CASS4: variants seen among roughly 807,000 people sequenced by gnomAD.
CASS4 encodes the protein cas scaffolding protein family member 4.
CASS4 carries 22 observed loss-of-function variants against 54.2 expected under a neutral mutation model. The ratio of observed to expected loss-of-function variants is 0.41; its 90% CI spans 0.29 to 0.58. The LOEUF is 0.58. CASS4 is among the 20% of genes least tolerant of loss of function. The pLI is 0.36. For missense variants in CASS4, 854 were observed against 986.7 expected (o/e 0.87, Z 1.80); for synonymous variants, 409 against 391.5 (o/e 1.04, Z -0.53).
chr20:56,418,290 G>A (rs1979240601), intron 1 of CASS4, among the ~76,000 whole-genome samples: 1 of 152,174 alleles, frequency 6.6e-6, no homozygotes, highest in African/African-American at 2.4e-5. Context: ...CAGTGGGAAG[G>A]TATTCAGCAT....
intron 5 of CASS4, among the ~76,000 whole-genome samples, chr20:56,454,248 A>G (rs893165639): frequency 2.0e-4 from 30 of 152,214 alleles, no homozygotes; most frequent in Non-Finnish European, 4.1e-4. Flanking sequence ...CAGACATTAT[A>G]GAGCGAGATG....
chr20:56,460,029 T>A lies in CASS4; in HGVS notation c.*1282T>A, dbSNP rs982619187. On this transcript the variant is annotated 3_prime_UTR_variant, in exon 6 of 6. Coordinates refer to ENST00000679887, the MANE Select transcript of CASS4 (RefSeq NM_020356.4). ...TTATTGCATCCATTAGATAATAGAGTAAGTTTTTTGTTGTTTTGAATTGAA... is the reference window on the plus strand; with the variant it reads ...TTATTGCATCCATTAGATAATAGAGAAAGTTTTTTGTTGTTTTGAATTGAA... The A allele has an allele frequency of 6.6e-6, 1 of 152,368 alleles. No homozygotes were observed. Among genetic ancestry groups the A allele is most frequent in the African/African-American group, 2.4e-5 (1 of 41,378 alleles). The allele number at this position is 152,368 out of a possible 1,614,324, so 9.4% of individuals were successfully genotyped here. A position where few individuals can be genotyped will look rare whatever the true frequency, so the allele number is the denominator to read the frequency against.
intron 3 of CASS4, among the ~76,000 whole-genome samples, chr20:56,448,046 G>A (rs1036999644): frequency 6.6e-6 from 1 of 151,852 alleles, no homozygotes; most frequent in Non-Finnish European, 1.5e-5. Context: ...GGAGGCTGAG[G>A]CAGGAGAGTG....
chr20:56,451,938 C>A lies in CASS4; in HGVS notation c.762C>A (p.Ser254Arg). 6.2e-7 allele frequency: 1 copy of A among 1,614,140 alleles called. No homozygotes were observed. Among genetic ancestry groups the A allele is most frequent in the Non-Finnish European group, 8.5e-7 (1 of 1,180,026 alleles). Reference protein sequence around the residue: ...YDTPVSPGKASVRNTPLTSFA... With the variant: ...YDTPVSPGKARVRNTPLTSFA... ...CTCCAGTGTCTCCAGGAAAGGCCAG[C>A]GTCAGAAACACGCCTCTCACCAGCT... The change falls in exon 5 of 6, where the codon AGC becomes AGA. Residue 254 changes from serine to arginine, a missense_variant. Transcript: ENST00000679887.
rs745327778 is a variant in CASS4, at chr20:56,445,941, G to A, written c.501G>A (p.Pro167=). The change falls in exon 3 of 6, where the codon CCG becomes CCA. Residue 167 remains proline, a synonymous_variant. Transcript: ENST00000679887. ...CCAGACCTGTCCGGGCCTCACTGCC[G>A]ACTCTGCCTTCCCAGGTGTATGACG... The part of the protein sequence containing the change: ...TLPRPVRASL[P]TLPSQVYDVP... 1.7e-5 allele frequency: 28 copies of A among 1,613,786 alleles called. No homozygotes were observed. The highest frequency in any genetic ancestry group is 5.3e-5 in the African/African-American group (4 of 74,880).
At chr20:56,416,013 A>G (rs914783287) in intron 1 of CASS4, among the ~76,000 whole-genome samples, 15 of 152,212 alleles carry the variant, frequency 9.9e-5, no homozygotes, top group African/African-American at 3.1e-4. Flanking sequence ...AACTCTAGCC[A>G]ACTAGTCAAC....
chr20:56,435,476 G>T (rs999643738), intron 1 of CASS4, among the ~76,000 whole-genome samples: 25 of 152,104 alleles, frequency 1.6e-4, no homozygotes, highest in Non-Finnish European at 1.2e-4. Flanking sequence ...CTCTTTTTCT[G>T]TAATGAACAT....
intron 2 of CASS4, among the ~76,000 whole-genome samples, chr20:56,444,105 T>C (rs951779276): frequency 6.6e-6 from 1 of 152,174 alleles, no homozygotes; most frequent in Non-Finnish European, 1.5e-5. Flanking sequence ...GCCAGATGAA[T>C]GGCGGGGTGG....
upstream of CASS4, chr20:56,412,061 G>A (rs1978901614): frequency 3.8e-6 from 1 of 261,502 alleles, no homozygotes; most frequent in East Asian, 1.4e-4. This position sits in a 1 kb window ranked among gnomAD's most constrained non-coding sequence, Gnocchi z 4.2. Flanking sequence ...CAAGAATGCT[G>A]TGTGTTCATA....
chr20:56,458,311 C>G (rs1197528047), intron 5 of CASS4, 29 bp from the exon 6 acceptor site: 1 of 1,583,112 alleles, frequency 6.3e-7, no homozygotes, highest in East Asian at 2.3e-5. Context: ...ATTGAATCTC[C>G]TATCTATTTT....
intron 1 of CASS4, among the ~76,000 whole-genome samples, chr20:56,425,487 A>G (rs945743327): frequency 6.6e-6 from 1 of 152,212 alleles, no homozygotes; most frequent in Non-Finnish European, 1.5e-5. Context: ...AGGGATGGCC[A>G]GTGAGAAGTA....
intron 1 of CASS4, among the ~76,000 whole-genome samples, chr20:56,424,813 G>C (rs1322625704): frequency 6.6e-6 from 1 of 151,710 alleles, no homozygotes; most frequent in African/African-American, 2.4e-5. Flanking sequence ...GAGGCACAAG[G>C]GACAAAGAGA....
At chr20:56,429,055 C>T (rs890178694) in intron 1 of CASS4, among the ~76,000 whole-genome samples, 1 of 152,190 alleles carries the variant, frequency 6.6e-6, no homozygotes, top group Non-Finnish European at 1.5e-5. Context: ...GTGCAGTCAC[C>T]CGGGCAGTGT....
At chr20:56,418,208 A>G (rs1979238394) in intron 1 of CASS4, among the ~76,000 whole-genome samples, 1 of 152,190 alleles carries the variant, frequency 6.6e-6, no homozygotes, top group Admixed American at 6.5e-5. Flanking sequence ...ATGGATGGAA[A>G]AGGCCACTCT....
At position 56,455,572 on chromosome 20, in the gene CASS4, G is replaced by A. The variant is rs6099151; in HGVS notation, c.1953+2443G>A. Among the ~76,000 whole-genome samples the A allele has an allele frequency of 3.0e-3, 453 of 152,344 alleles. 3 individuals are homozygous for A. Among genetic ancestry groups the A allele is most frequent in the African/African-American group, 0.01 (436 of 41,584 alleles). ...GTTATGCTATTTTGTTCAACATTAA[G>A]TAGGCCTTAGACTAGTGGTTCTCAC... On this transcript the variant is annotated intron_variant, in intron 5 of 5. Transcript: ENST00000679887.
chr20:56,429,432 C>T (rs551855274), intron 1 of CASS4, among the ~76,000 whole-genome samples: 2 of 152,308 alleles, frequency 1.3e-5, no homozygotes, highest in East Asian at 3.9e-4. Flanking sequence ...CTGGACCAGA[C>T]AATTGACTTT....
At position 56,459,746 on chromosome 20, in the gene CASS4, G is replaced by A. The variant is rs1005798589; in HGVS notation, c.*999G>A. On this transcript the variant is annotated 3_prime_UTR_variant, in exon 6 of 6. Transcript: ENST00000679887. ...GGCCTCCCAAAGTGCTGGGATTACAGGCCTGAGCCACCATTCCTGGCATGT... is the reference window on the plus strand; with the variant it reads ...GGCCTCCCAAAGTGCTGGGATTACAAGCCTGAGCCACCATTCCTGGCATGT... 2.6e-5 allele frequency: 4 copies of A among 153,498 alleles called. No individual in the cohort carries two copies. 9.5% of individuals were successfully genotyped at this position (153,498 alleles called of 1,614,324 possible).
intron 2 of CASS4, among the ~76,000 whole-genome samples, chr20:56,440,127 T>A (rs1179134437): frequency 6.6e-6 from 1 of 152,216 alleles, no homozygotes; most frequent in Non-Finnish European, 1.5e-5. Flanking sequence ...AGTTGTTACA[T>A]AGAACAGCTG....
intron 1 of CASS4, among the ~76,000 whole-genome samples, chr20:56,429,990 T>C (rs948511670): frequency 1.3e-5 from 2 of 152,214 alleles, no homozygotes; most frequent in East Asian, 3.8e-4. Flanking sequence ...AGAATTTGTC[T>C]CCTCCACTAA....
Sources: gnomAD v4.1 joint callset for allele counts (sites outside exome capture counted in the v4.1 genomes callset) on GRCh38, gnomAD v4.1.1 for gene constraint, Gnocchi (gnomAD v3.1) non-coding constraint, MANE v1.5 for transcripts, NCBI Gene and HGNC (gene_info 2026-07-23, HGNC 2026-07-21) for gene names.